Variants in DDX54 observed in about 807,000 individuals in gnomAD.
DDX54 encodes ATP-dependent RNA helicase DDX54.
In DDX54, 67 loss-of-function variants were observed where a neutral mutation model predicts 105.5. That is an observed-to-expected ratio of 0.64 (90% CI 0.52 to 0.78). The LOEUF (loss-of-function observed/expected upper bound fraction) is 0.78, where lower values mean the gene tolerates loss of function less well. Ranked by LOEUF, DDX54 falls within the 30% of genes least tolerant of loss-of-function variation. The pLI is 0.00. For synonymous variants in DDX54, 514 were observed against 509.9 expected, an observed-to-expected ratio of 1.01 and a Z score of -0.11; for missense variants, 1,206 against 1,230.5, an observed-to-expected ratio of 0.98 and a Z score of 0.30.
chr12:113,159,100 CG>C lies in DDX54; in HGVS notation c.2422del (p.Arg808GlyfsTer23). On this transcript the variant is annotated frameshift_variant, in exon 20 of 20. Transcript: ENST00000306014. LOFTEE classifies it high-confidence loss of function. ...TGCAGGGGTGCCTGGGGCGTGGGGC[CG>C]GGATGCACCTGCTGGGACAGGGATT... is the stretch of plus-strand genomic sequence containing the variant. ...GKRDRGQGAS[R>X]PHAPGTPAGR... is the part of the protein sequence containing the mutation. 6.3e-7 allele frequency: 1 copy of C among 1,597,290 alleles called. No homozygotes were observed.
chr12:113,161,459 CAG>C (rs1375369152), intron 18 of DDX54, 77 bp from the exon 19 acceptor site: 10 of 1,193,864 alleles, frequency 8.4e-6, no homozygotes, highest in South Asian at 1.4e-5. Context: ...CCCCAGCAGA[CAG>C]AGTTCCGTTA....
chr12:113,185,426 G>C lies in DDX54; in HGVS notation c.26C>G (p.Ala9Gly), dbSNP rs1000295980. ...CATGGCAGCTCGCGACCGAGGTCCA[G>C]CCGCCGGGCCCTTGTCGGCCGCCAT... MAADKGPA[A>G]GPRSRAAMAQ... The change falls in exon 1 of 20, where the codon GCT (alanine) becomes GGT (glycine). Residue 9 changes from alanine (A) to glycine (G), a missense_variant. By Grantham distance (60) the Ala-to-Gly change is moderately conservative. Coordinates refer to ENST00000306014, the MANE Select transcript of DDX54 (RefSeq NM_024072.4). 50 of 1,522,066 alleles carry C rather than the reference G, an allele frequency of 3.3e-5. No homozygotes were observed. The highest frequency in any genetic ancestry group is 2.8e-5 in the Non-Finnish European group (32 of 1,137,970). The allele number at this position is 1,522,066 out of a possible 1,614,324, so 94.3% of individuals were successfully genotyped here.
rs1952231378 is a variant in DDX54, at chr12:113,163,187, G to A, written c.2026C>T (p.Arg676Trp). Residue 676 changes from arginine (R) to tryptophan (W), a missense_variant, in exon 16 of 20, where the codon CGG becomes TGG. Coordinates refer to ENST00000306014, the MANE Select transcript of DDX54 (RefSeq NM_024072.4). The surrounding 1 kb of genome is among the most constrained non-coding windows in gnomAD (Gnocchi z 5.9). ...AKRRREEARQRDQEFYIPYRP... is the reference protein window; with the variant it reads ...AKRRREEARQWDQEFYIPYRP... ...TAGGGGATGTAGAATTCCTGGTCCC[G>A]CTGCCGGGCCTCCTCCCTCCGCCTC... is the stretch of plus-strand genomic sequence containing the variant. The A allele has an allele frequency of 4.3e-6, 7 of 1,612,644 alleles. No individual in the cohort carries two copies. The highest frequency in any genetic ancestry group is 2.2e-5 in the South Asian group (2 of 91,082).
chr12:113,179,239 C>A lies in DDX54; in HGVS notation c.468G>T (p.Glu156Asp). The change falls in exon 4 of 20, where the codon GAG (glutamate) becomes GAT (aspartate). Residue 156 changes from glutamate to aspartate, a missense_variant. Coordinates refer to ENST00000306014, the MANE Select transcript of DDX54 (RefSeq NM_024072.4). ...TCTGGGCACTGTGGGTCTTGAGCCGCTCGAACATTGGGAGGAGGAAGCAGG... is the reference window on the plus strand; with the variant it reads ...TCTGGGCACTGTGGGTCTTGAGCCGATCGAACATTGGGAGGAGGAAGCAGG... ...KTACFLLPMF[E>D]RLKTHSAQTG... The A allele has an allele frequency of 6.2e-7, 1 of 1,614,124 alleles. No individual in the cohort carries two copies. Among genetic ancestry groups the A allele is most frequent in the Non-Finnish European group, 8.5e-7 (1 of 1,180,030 alleles).
intron 10 of DDX54, 127 bp from the exon 11 acceptor site, chr12:113,172,690 C>CCCTTG: frequency 8.4e-7 from 1 of 1,185,026 alleles, no homozygotes; most frequent in Non-Finnish European, 1.2e-6. Flanking sequence ...GAGTCTGGCA[C>CCCTTG]CCTTGGTCTG....
chr12:113,179,857 G>C (rs7309979), intron 3 of DDX54, 78 bp downstream of exon 3: 1 of 1,506,078 alleles, frequency 6.6e-7, no homozygotes, highest in Admixed American at 1.7e-5. Context: ...TGGGACAAGG[G>C]GTGGCTGTCA....
At chr12:113,165,560 G>T in intron 14 of DDX54, 84 bp downstream of exon 14, 2 of 1,406,904 alleles carry the variant, frequency 1.4e-6, no homozygotes. Flanking sequence ...CGTTGTCACT[G>T]TGTGACCCCA....
At chr12:113,160,340 CCT>C (rs1356911569) in intron 19 of DDX54, among the ~76,000 whole-genome samples, 1 of 152,300 alleles carries the variant, frequency 6.6e-6, no homozygotes, top group South Asian at 2.1e-4. Flanking sequence ...CCCAAACTCC[CCT>C]CTCCCCAGGG....
intron 12 of DDX54, among the ~76,000 whole-genome samples, chr12:113,169,175 A>C: frequency 6.6e-6 from 1 of 152,036 alleles, no homozygotes; most frequent in East Asian, 1.9e-4. Flanking sequence ...AGATACCAGA[A>C]ATCTGGATTG....
chr12:113,179,301 C>G lies in DDX54; in HGVS notation c.406G>C (p.Val136Leu). The G allele has an allele frequency of 2.5e-6, 4 of 1,613,850 alleles. No homozygotes were observed. The highest frequency in any genetic ancestry group is 3.4e-6 in the Non-Finnish European group (4 of 1,180,016). ...CTGCCCGTCCGGGCCATGGCCACCA[C>G]GTCCTTGCCATCCAAGATCACCGGG... ...TIPVILDGKD[V>L]VAMARTGSGK... The change falls in exon 4 of 20, where the codon GTG becomes CTG. Residue 136 changes from valine (V) to leucine (L), a missense_variant. By Grantham distance (32) the Val-to-Leu change is conservative (BLOSUM62 1). Transcript: ENST00000306014.
chr12:113,164,057 G>T lies in DDX54; in HGVS notation c.1938+10C>A, dbSNP rs1186635906. 4.5e-6 allele frequency: 7 copies of T among 1,540,616 alleles called. No homozygotes were observed. In the Admixed American group the frequency reaches 1.2e-4, roughly 26 times the overall value. ...CCCCAGGTCCAGGGTCCCCAGGGTG[G>T]AACCTGTACCTCCACACTCTCTCCC... On this transcript the variant is annotated intron_variant, in intron 15 of 19. Transcript: ENST00000306014.
chr12:113,173,283 G>C (rs1952360022), intron 10 of DDX54, among the ~76,000 whole-genome samples: 1 of 152,222 alleles, frequency 6.6e-6, no homozygotes, highest in Admixed American at 6.5e-5. Flanking sequence ...CTTGAGCCCA[G>C]GAGGCAGAGG....
rs913759011 is a variant in DDX54, at chr12:113,175,121, C to A, written c.789G>T (p.Glu263Asp). The A allele has an allele frequency of 6.2e-7, 1 of 1,613,302 alleles. No individual in the cohort carries two copies. Among genetic ancestry groups the A allele is most frequent in the Non-Finnish European group, 8.5e-7 (1 of 1,179,866 alleles). The change falls in exon 8 of 20, where the codon GAG becomes GAT. Residue 263 changes from glutamate (E) to aspartate (D), a missense_variant. Glu to Asp is a conservative substitution (Grantham distance 45). Around this residue, in one of 3 missense-constraint regions of DDX54, gnomAD observed 961 missense variants for 1,019.1 expected, o/e 0.94. Coordinates refer to ENST00000306014, the MANE Select transcript of DDX54 (RefSeq NM_024072.4). Reference protein sequence around the residue: ...FEMGFAEQLQEIIARLPGGHQ... With the variant: ...FEMGFAEQLQDIIARLPGGHQ... ...GGCCCCCGGGGAGGCGGGCGATGATCTCCTGCAGCTGCTCTGCGAAACCCA... is the reference window on the plus strand; with the variant it reads ...GGCCCCCGGGGAGGCGGGCGATGATATCCTGCAGCTGCTCTGCGAAACCCA...
At chr12:113,159,416 G>A in intron 19 of DDX54, 1 of 439,864 alleles carries the variant, frequency 2.3e-6, no homozygotes, top group Non-Finnish European at 4.0e-6. Flanking sequence ...CCTCCCTCAT[G>A]GGTGAAGAGT....
At position 113,163,353 on chromosome 12, in the gene DDX54, C is replaced by G; in HGVS notation, c.1939-79G>C. On this transcript the variant is annotated intron_variant, in intron 15 of 19. Transcript: ENST00000306014. This position sits in a 1 kb window ranked among gnomAD's most constrained non-coding sequence, Gnocchi z 5.9. ...TCCCCCTGCCTCCCTACCCACCAGC[C>G]TGGCCACAGTGAGGGGCCAGTGGCT... The G allele has an allele frequency of 6.5e-7, 1 of 1,530,078 alleles. No homozygotes were observed. The highest frequency in any genetic ancestry group is 8.7e-7 in the Non-Finnish European group (1 of 1,143,068). The allele number at this position is 1,530,078 out of a possible 1,614,324, so 94.8% of individuals were successfully genotyped here.
chr12:113,171,228 T>C (rs1952334421), intron 11 of DDX54, among the ~76,000 whole-genome samples: 1 of 152,028 alleles, frequency 6.6e-6, no homozygotes, highest in African/African-American at 2.4e-5. Flanking sequence ...GCAAAGAAAG[T>C]AGAATAACAG....
chr12:113,157,842 T>C lies in DDX54; in HGVS notation c.*1035A>G. ...TGTTCAGAGTGCTGTGGGCCTGCCA[T>C]GAGGGGCACATAGCAAGCACTCCAT... is the stretch of plus-strand genomic sequence containing the variant. On this transcript the variant is annotated 3_prime_UTR_variant, in exon 20 of 20. Transcript: ENST00000306014. The C allele has an allele frequency of 3.1e-6, 2 of 638,318 alleles. No individual in the cohort carries two copies. The highest frequency in any genetic ancestry group is 5.6e-6 in the Non-Finnish European group (2 of 358,770). The allele number at this position is 638,318 out of a possible 1,614,324, so 39.5% of individuals were successfully genotyped here. A position where few individuals can be genotyped will look rare whatever the true frequency, so the allele number is the denominator to read the frequency against.
chr12:113,169,660 A>G, intron 12 of DDX54, 110 bp downstream of exon 12: 1 of 1,279,978 alleles, frequency 7.8e-7, no homozygotes, highest in Non-Finnish European at 1.1e-6. Flanking sequence ...TAAAATAAAT[A>G]AAAGGAATCA....
At chr12:113,162,278 T>A (rs1952217289) in intron 17 of DDX54, among the ~76,000 whole-genome samples, 1 of 151,124 alleles carries the variant, frequency 6.6e-6, no homozygotes, top group Non-Finnish European at 1.5e-5. Flanking sequence ...TCCTGGAGGG[T>A]TTCCAATCCC....
Sources: allele counts gnomAD v4.1 joint callset (sites outside exome capture counted in the v4.1 genomes callset), GRCh38; gene constraint gnomAD v4.1.1; regional missense constraint gnomAD v4.1.1; non-coding constraint Gnocchi (gnomAD v3.1); transcripts MANE v1.5; gene names NCBI Gene and HGNC (gene_info 2026-07-23, HGNC 2026-07-21).